Variants in AXDND1 observed in about 807,000 individuals in gnomAD.
The protein encoded by AXDND1 is axonemal dynein light chain domain-containing protein 1.
A neutral mutation model predicts 137.5 loss-of-function variants in AXDND1; 110 were observed. That is an observed-to-expected ratio of 0.80 (90% CI 0.69 to 0.94). The LOEUF (loss-of-function observed/expected upper bound fraction) is 0.94, where lower values mean the gene tolerates loss of function less well. Ranked by LOEUF, AXDND1 falls within the 40% of genes least tolerant of loss-of-function variation. The probability of loss-of-function intolerance (pLI) is 0.00; values close to 1 mark genes in which losing one functional copy is unlikely to be tolerated. For missense variants in AXDND1, 1,191 were observed against 1,169.8 expected (o/e 1.02, Z -0.26); for synonymous variants, 414 against 399.7 (o/e 1.04, Z -0.43).
intron 6 of AXDND1, among the ~76,000 whole-genome samples, chr1:179,382,325 C>T (rs1648502575): frequency 6.6e-6 from 1 of 152,142 alleles, no homozygotes; most frequent in Non-Finnish European, 1.5e-5. Flanking sequence ...AAGTGATCTG[C>T]CCGCCTCAGC....
In AXDND1 at chr1:179,432,214, C is replaced by T. The variant is rs183196352; in HGVS notation, c.1488-53C>T. On this transcript the variant is annotated intron_variant, in intron 14 of 25. Coordinates refer to ENST00000367618, the MANE Select transcript of AXDND1 (RefSeq NM_144696.6). The stretch of plus-strand genomic sequence containing the variant: ...AGTCTTTAGTGTGTGAACTGATGAT[C>T]TTGTTTATGTCTTGTTCTGAGATGT... 1,457 of 1,474,542 alleles carry T rather than the reference C, an allele frequency of 9.9e-4. 14 individuals are homozygous for T. The African/African-American group carries it at 0.019, about 19-fold the overall frequency. The allele number at this position is 1,474,542 out of a possible 1,614,324, so 91.3% of individuals were successfully genotyped here.
rs72704470 is a variant in AXDND1, at chr1:179,530,471, G to A, written c.2715+2040G>A. 5.0e-3 allele frequency among the ~76,000 whole-genome samples: 766 copies of A among 152,280 alleles called. 4 individuals carry two copies. Among genetic ancestry groups the A allele is most frequent in the Non-Finnish European group, 8.1e-3 (553 of 68,032 alleles). ...GGTATGCCGTCCAGGCTAGGCCCTG[G>A]AGCCAGGCAGGAAGCAGTCAGGAAA... On this transcript the variant is annotated intron_variant, in intron 23 of 25. Transcript: ENST00000367618.
chr1:179,375,716 G>C (rs948778540), intron 4 of AXDND1, among the ~76,000 whole-genome samples: 4 of 152,060 alleles, frequency 2.6e-5, no homozygotes, highest in Non-Finnish European at 4.4e-5. Flanking sequence ...GATAAGAACT[G>C]CTGTTCCATC....
Position 179,366,597 on chromosome 1 carries a change from G to T in AXDND1, c.88G>T (p.Gly30Trp). 1 of 1,609,112 alleles carries T rather than the reference G, an allele frequency of 6.2e-7. No individual in the cohort carries two copies. The change falls in exon 2 of 26, where the codon GGG (glycine) becomes TGG (tryptophan). Residue 30 changes from glycine to tryptophan, a missense_variant. Transcript: ENST00000367618. ...GTTAAAAGTGTCTGTAGCCAAGGAA[G>T]GGACAAGAGGTAAACTTCGTTGATT... is the stretch of plus-strand genomic sequence containing the variant. ...KKLKVSVAKE[G>W]TRGLPELKEK...
chr1:179,497,489 C>T (rs7550765), intron 20 of AXDND1, among the ~76,000 whole-genome samples: 48,317 of 151,890 alleles, frequency 0.32, 8,290 homozygotes, highest in Middle Eastern at 0.43. Context: ...ACAGACTAGA[C>T]ATTGAAGGAA....
At chr1:179,533,626 C>CTTTTT (rs66461504) in intron 23 of AXDND1, among the ~76,000 whole-genome samples, 169 bp from the exon 24 acceptor site, 2 of 136,238 alleles carry the variant, frequency 1.5e-5, no homozygotes, top group Non-Finnish European at 1.6e-5. Context: ...GAGACAATCC[C>CTTTTT]TTTTTTTTTT....
chr1:179,380,335 GATTAA>G (rs962251983), intron 6 of AXDND1, among the ~76,000 whole-genome samples: 6 of 152,070 alleles, frequency 3.9e-5, no homozygotes, highest in Non-Finnish European at 8.8e-5. Flanking sequence ...GGATGTTAGT[GATTAA>G]ATTATTCATA....
chr1:179,385,368 T>C lies in AXDND1; in HGVS notation c.863+9T>C, dbSNP rs369737277. The stretch of plus-strand genomic sequence containing the variant: ...CTTCTGTCTAAAGTCAGGTTAGTGC[T>C]GTTATTGGAATGGTCCAGTTTCCTT... On this transcript the variant is annotated intron_variant, in intron 9 of 25. Transcript: ENST00000367618. 2 of 1,613,802 alleles carry C rather than the reference T, an allele frequency of 1.2e-6. No homozygotes were observed. Among genetic ancestry groups the C allele is most frequent in the African/African-American group, 2.7e-5 (2 of 74,916 alleles).
chr1:179,366,408 A>T lies in AXDND1; in HGVS notation c.-102A>T. On this transcript the variant is annotated 5_prime_UTR_variant, in exon 2 of 26. The change abolishes an upstream ATG in the 5' untranslated region. Transcript: ENST00000367618. ...TCTTTTTTCCTCTGCCTGCAGGACTATGTGGCAGCCTGCAAGTCCCAGTGC... is the reference window on the plus strand; with the variant it reads ...TCTTTTTTCCTCTGCCTGCAGGACTTTGTGGCAGCCTGCAAGTCCCAGTGC... 1.2e-6 allele frequency: 1 copy of T among 810,288 alleles called. No homozygotes were observed. Among genetic ancestry groups the T allele is most frequent in the Non-Finnish European group, 2.1e-6 (1 of 481,312 alleles). The allele number at this position is 810,288 out of a possible 1,614,324, so 50.2% of individuals were successfully genotyped here.
intron 12 of AXDND1, among the ~76,000 whole-genome samples, chr1:179,424,342 T>G (rs1450322673): frequency 6.6e-6 from 1 of 152,142 alleles, no homozygotes; most frequent in African/African-American, 2.4e-5. Context: ...TTGGGTGGTC[T>G]TGTTTGGGTC....
At chr1:179,529,279 G>C (rs970436241) in intron 23 of AXDND1, among the ~76,000 whole-genome samples, 2 of 152,168 alleles carry the variant, frequency 1.3e-5, no homozygotes, top group Non-Finnish European at 2.9e-5. Context: ...TCTTGGATTG[G>C]GGGATCAATA....
intron 16 of AXDND1, among the ~76,000 whole-genome samples, chr1:179,466,871 A>C (rs1663273048): frequency 6.6e-6 from 1 of 152,144 alleles, no homozygotes; most frequent in South Asian, 2.1e-4. Context: ...GGATCACCTT[A>C]ATCCAAGCAG....
At chr1:179,395,644 A>G (rs1205932723) in intron 11 of AXDND1, among the ~76,000 whole-genome samples, 1 of 152,196 alleles carries the variant, frequency 6.6e-6, no homozygotes, top group Non-Finnish European at 1.5e-5. Context: ...GAAGTAATAT[A>G]AGTAAAGCAC....
chr1:179,431,504 GT>G (rs890281789), intron 14 of AXDND1, among the ~76,000 whole-genome samples: 1 of 149,516 alleles, frequency 6.7e-6, no homozygotes, highest in Non-Finnish European at 1.5e-5. Context: ...TGTTGTTGTT[GT>G]TTTTTAACTT....
At chr1:179,468,070 A>T (rs1029269535) in intron 16 of AXDND1, among the ~76,000 whole-genome samples, 1 of 152,208 alleles carries the variant, frequency 6.6e-6, no homozygotes, top group Non-Finnish European at 1.5e-5. Context: ...TCCCATAATC[A>T]TGAAGAAGCT....
At chr1:179,492,980 G>T in intron 20 of AXDND1, 29 bp downstream of exon 20, 2 of 1,489,814 alleles carry the variant, frequency 1.3e-6, no homozygotes, top group Admixed American at 2.2e-5. Context: ...CCTTAGTTTT[G>T]TTTTTGTTTT....
chr1:179,406,519 A>G (rs1652995899), intron 11 of AXDND1, among the ~76,000 whole-genome samples: 1 of 152,110 alleles, frequency 6.6e-6, no homozygotes, highest in African/African-American at 2.4e-5. Context: ...TGTTTGCTTT[A>G]TACATCTGGG....
intron 25 of AXDND1, among the ~76,000 whole-genome samples, chr1:179,553,205 C>A (rs61826365): frequency 6.6e-6 from 1 of 152,058 alleles, no homozygotes; most frequent in Non-Finnish European, 1.5e-5. Context: ...TTAGCTGCCC[C>A]TCAAAAAGTT....
In AXDND1 at chr1:179,476,658, C is replaced by T. The variant is rs528504305; in HGVS notation, c.1998-6470C>T. ...GGTTGACATTTTTTTCTTCTTTAGG[C>T]ACTATGAATATGTTATCCCACTGCT... is the stretch of plus-strand genomic sequence containing the variant. On this transcript the variant is annotated intron_variant, in intron 17 of 25. Coordinates refer to ENST00000367618, the MANE Select transcript of AXDND1 (RefSeq NM_144696.6). Among the ~76,000 whole-genome samples the T allele has an allele frequency of 1.2e-4, 19 of 152,166 alleles. No individual in the cohort carries two copies. The South Asian group carries it at 3.7e-3, about 30-fold the overall frequency.
Sources: gnomAD v4.1 joint callset for allele counts (sites outside exome capture counted in the v4.1 genomes callset) on GRCh38, gnomAD v4.1.1 for gene constraint, MANE v1.5 for transcripts, NCBI Gene and HGNC (gene_info 2026-07-23, HGNC 2026-07-21) for gene names.